HPS5: variants seen among roughly 807,000 people sequenced by gnomAD.
HPS5 encodes the protein BLOC-2 complex member HPS5.
In HPS5, 83 loss-of-function variants were observed where a neutral mutation model predicts 128.0. The ratio of observed to expected loss-of-function variants is 0.65; its 90% CI spans 0.54 to 0.78. The LOEUF (loss-of-function observed/expected upper bound fraction) is 0.78, where lower values mean the gene tolerates loss of function less well. Ranked by LOEUF, HPS5 falls within the 30% of genes least tolerant of loss-of-function variation. HPS5 has a pLI of 0.00. For synonymous variants in HPS5, 475 were observed against 470.2 expected (o/e 1.01, Z -0.13); for missense variants, 1,281 against 1,326.2 (o/e 0.97, Z 0.53).
intron 8 of HPS5, among the ~76,000 whole-genome samples, chr11:18,303,854 T>TA (rs558254205): frequency 0.16 from 19,711 of 126,940 alleles, 1,417 homozygotes; most frequent in African/African-American, 0.21. Flanking sequence ...ACTCCGTCTC[T>TA]AAAAAAAAAA....
At chr11:18,310,289 A>G (rs1041522712) in intron 5 of HPS5, among the ~76,000 whole-genome samples, 4 of 152,180 alleles carry the variant, frequency 2.6e-5, no homozygotes, top group Non-Finnish European at 5.9e-5. Context: ...ATTCCATTCA[A>G]AATAAGTTAT....
chr11:18,305,459 A>C lies in HPS5; in HGVS notation c.859T>G (p.Ser287Ala), dbSNP rs1862238794. 1.2e-6 allele frequency: 2 copies of C among 1,610,662 alleles called. No homozygotes were observed. Among genetic ancestry groups the C allele is most frequent in the East Asian group, 4.5e-5 (2 of 44,806 alleles). The change falls in exon 8 of 23, where the codon TCC (serine) becomes GCC (alanine). Residue 287 changes from serine (S) to alanine (A), a missense_variant. Transcript: ENST00000349215. ...AGTTTGGGGAAAGACAAAGACTGGGAGGATCCAGCTGTATGATCATACTGA... is the reference window on the plus strand; with the variant it reads ...AGTTTGGGGAAAGACAAAGACTGGGCGGATCCAGCTGTATGATCATACTGA... ...EPQYDHTAGSSQSLSFPKLLH... is the reference protein window; with the variant it reads ...EPQYDHTAGSAQSLSFPKLLH...
intron 12 of HPS5, 190 bp downstream of exon 12, chr11:18,296,607 GA>G: frequency 4.2e-6 from 3 of 709,534 alleles, no homozygotes; most frequent in Admixed American, 4.1e-5. Flanking sequence ...AACGTGAGGG[GA>G]AAAAATACTA....
At chr11:18,290,001 T>C (rs544861669) in intron 16 of HPS5, among the ~76,000 whole-genome samples, 2 of 152,212 alleles carry the variant, frequency 1.3e-5, no homozygotes, top group Non-Finnish European at 2.9e-5. Flanking sequence ...CCTGGACAGG[T>C]TACATTTCCC....
chr11:18,311,902 C>G lies in HPS5; in HGVS notation c.219+12G>C. ...TCCAAATGGTGTATGACAGAGCTGC[C>G]CTTAATCTTACCCTGTGTGAAAGAA... On this transcript the variant is annotated intron_variant, in intron 3 of 22. Transcript: ENST00000349215. 1 of 1,523,802 alleles carries G rather than the reference C, an allele frequency of 6.6e-7. No homozygotes were observed. The allele number at this position is 1,523,802 out of a possible 1,614,324, so 94.4% of individuals were successfully genotyped here. A position where few individuals can be genotyped will look rare whatever the true frequency, so the allele number is the denominator to read the frequency against.
intron 5 of HPS5, among the ~76,000 whole-genome samples, chr11:18,309,760 C>T (rs1042335945): frequency 6.6e-6 from 1 of 151,952 alleles, no homozygotes; most frequent in African/African-American, 2.4e-5. Context: ...CAGCACTTTG[C>T]GAGGGCAAGG....
intron 8 of HPS5, among the ~76,000 whole-genome samples, chr11:18,303,854 TAAA>T (rs558254205): frequency 7.9e-6 from 1 of 127,042 alleles, no homozygotes. Context: ...ACTCCGTCTC[TAAA>T]AAAAAAAAAA....
intron 12 of HPS5, 171 bp from the exon 13 acceptor site, chr11:18,296,293 G>T: frequency 1.5e-6 from 1 of 664,670 alleles, no homozygotes; most frequent in Non-Finnish European, 2.5e-6. Flanking sequence ...AAATGCATGG[G>T]ATGGTCCACA....
intron 1 of HPS5, 110 bp from the exon 2 acceptor site, chr11:18,318,017 G>T (rs924632270): frequency 3.4e-5 from 26 of 762,406 alleles, no homozygotes; most frequent in Non-Finnish European, 4.9e-5. Context: ...CCACTATACA[G>T]GGACTTAGAA....
In HPS5 at chr11:18,310,810, A is replaced by C; in HGVS notation, c.408T>G (p.Leu136=). The C allele has an allele frequency of 6.2e-7, 1 of 1,614,116 alleles. No homozygotes were observed. Among genetic ancestry groups the C allele is most frequent in the South Asian group, 1.1e-5 (1 of 91,082 alleles). The change falls in exon 5 of 23, where the codon CTT becomes CTG. Residue 136 remains leucine (L), a synonymous_variant. Coordinates refer to ENST00000349215, the MANE Select transcript of HPS5 (RefSeq NM_181507.2). ...CAGCATGATCACCTACAAAAACTCT[A>C]AGAATAGCTGTATCCCAGCAGAGAG... ...VTALCWDTAI[L]RVFVGDHAGK...
rs1286840604 is a variant in HPS5, at chr11:18,283,890, C to T, written c.2963G>A (p.Gly988Glu). ...DICRSCGFWP[G>E]YLILCLELER... ...CAGCTCCAAACAGAGAATTAGATAT[C>T]CAGGCCAGAAACTTTAAAGAGACCG... The change falls in exon 21 of 23, where the codon GGA (glycine) becomes GAA (glutamate). Residue 988 changes from glycine (G) to glutamate (E), a missense_variant. By Grantham distance (98) the Gly-to-Glu change is moderately conservative. Transcript: ENST00000349215. 6.2e-7 allele frequency: 1 copy of T among 1,612,142 alleles called. No individual in the cohort carries two copies. Among genetic ancestry groups the T allele is most frequent in the Admixed American group, 1.7e-5 (1 of 60,012 alleles).
rs1389792281 is a variant in HPS5, at chr11:18,296,903, A to T, written c.1405T>A (p.Ser469Thr). Reference protein sequence around the residue: ...RGSQSDEDSCSLHSQTLSEDE... With the variant: ...RGSQSDEDSCTLHSQTLSEDE... Reference sequence around the variant, plus strand: ...TCTGAGAGGGTTTGGCTGTGAAGGGAGCAAGAGTCTTCATCTGACTGACTG... The same window carrying T: ...TCTGAGAGGGTTTGGCTGTGAAGGGTGCAAGAGTCTTCATCTGACTGACTG... Residue 469 changes from serine to threonine, a missense_variant, in exon 12 of 23, where the codon TCC becomes ACC. Transcript: ENST00000349215. 6.2e-7 allele frequency: 1 copy of T among 1,612,034 alleles called. No homozygotes were observed. Among genetic ancestry groups the T allele is most frequent in the Non-Finnish European group, 8.5e-7 (1 of 1,178,236 alleles).
intron 3 of HPS5, 122 bp from the exon 4 acceptor site, chr11:18,311,573 C>G: frequency 1.7e-6 from 1 of 578,288 alleles, no homozygotes; most frequent in South Asian, 2.2e-5. Flanking sequence ...AGCAATGGTG[C>G]GATCTCGGCT....
chr11:18,295,710 A>G (rs1462730764), intron 13 of HPS5, among the ~76,000 whole-genome samples: 1 of 152,220 alleles, frequency 6.6e-6, no homozygotes, highest in Admixed American at 6.5e-5. Context: ...AGAAAGGATC[A>G]GCTAAAGACT....
At chr11:18,315,005 C>A (rs1863452466) in intron 2 of HPS5, among the ~76,000 whole-genome samples, 1 of 151,142 alleles carries the variant, frequency 6.6e-6, no homozygotes, top group South Asian at 2.1e-4. Context: ...AGGGCAGCTT[C>A]TTCCTCTTAG....
rs753378415 is a variant in HPS5 at position 18,317,790 on chromosome 11, T to C, written c.69A>G (p.Pro23=). 1.9e-6 allele frequency: 3 copies of C among 1,613,878 alleles called. No homozygotes were observed. The highest frequency in any genetic ancestry group is 8.5e-7 in the Non-Finnish European group (1 of 1,179,908). Residue 23 remains proline (P), a synonymous_variant, in exon 2 of 23, where the codon CCA becomes CCG. Transcript: ENST00000349215. ...AGTCCAGCCGCAGGGCTGAGAGTAA[T>C]GGATCCAGAGATTCAAACTCTGCAA... ...HVLAEFESLD[P]LLSALRLDSS...
intron 5 of HPS5, among the ~76,000 whole-genome samples, chr11:18,309,483 C>T (rs1018608101): frequency 6.6e-6 from 1 of 152,174 alleles, no homozygotes; most frequent in Non-Finnish European, 1.5e-5. Context: ...ATATGCCAGC[C>T]TGGGCAACAG....
chr11:18,317,711 C>T (rs1863812700), intron 2 of HPS5, 40 bp downstream of exon 2: 1 of 1,596,950 alleles, frequency 6.3e-7, no homozygotes, highest in Non-Finnish European at 8.6e-7. Context: ...TAACAGAGAG[C>T]ACGTGAAAAT....
chr11:18,294,455 GC>G (rs1299235486), intron 14 of HPS5, among the ~76,000 whole-genome samples: 2 of 152,032 alleles, frequency 1.3e-5, no homozygotes, highest in Non-Finnish European at 2.9e-5. Flanking sequence ...CTAGTCATAC[GC>G]AGAGCCAGGA....
Sources: gnomAD v4.1 joint callset for allele counts (sites outside exome capture counted in the v4.1 genomes callset) on GRCh38, gnomAD v4.1.1 for gene constraint, MANE v1.5 for transcripts, NCBI Gene and HGNC (gene_info 2026-07-23, HGNC 2026-07-21) for gene names.